FAM178B: variants seen among roughly 807,000 people sequenced by gnomAD.
FAM178B encodes family with sequence similarity 178 member B, also known as protein FAM178B.
In FAM178B, 82 loss-of-function variants were observed where a neutral mutation model predicts 91.7. That is an observed-to-expected ratio of 0.89 (90% CI 0.75 to 1.07). FAM178B has a LOEUF of 1.07. Ranked by LOEUF, FAM178B falls within the 50% of genes least tolerant of loss-of-function variation. The probability of loss-of-function intolerance (pLI) is 0.00; values close to 1 mark genes in which losing one functional copy is unlikely to be tolerated. For missense variants in FAM178B, 769 were observed against 846.7 expected (o/e 0.91, Z 1.14); for synonymous variants, 368 against 359.4 (o/e 1.02, Z -0.27).
chr2:96,891,728 G>C (rs1001926317), intron 14 of FAM178B, among the ~76,000 whole-genome samples: 5 of 152,214 alleles, frequency 3.3e-5, no homozygotes, highest in Non-Finnish European at 7.3e-5. Flanking sequence ...AGCCAGAGGA[G>C]GTGGGGAAGG....
intron 1 of FAM178B, among the ~76,000 whole-genome samples, chr2:96,982,983 A>C (rs1320673738): frequency 6.6e-6 from 1 of 151,460 alleles, no homozygotes; most frequent in Non-Finnish European, 1.5e-5. Flanking sequence ...AGCCGAAGCA[A>C]TCCGCCTGCC....
chr2:96,884,713 A>G (rs2080474055), intron 14 of FAM178B, among the ~76,000 whole-genome samples: 1 of 152,184 alleles, frequency 6.6e-6, no homozygotes, highest in African/African-American at 2.4e-5. Context: ...TCCCTGCCCC[A>G]TGAGCAAACC....
chr2:96,936,490 A>G (rs376063200), intron 8 of FAM178B, among the ~76,000 whole-genome samples: 1,413 of 138,964 alleles, frequency 0.01, 5 homozygotes, highest in African/African-American at 0.017. Flanking sequence ...GTGAGCCACC[A>G]CGCCCGGGTT....
intron 9 of FAM178B, among the ~76,000 whole-genome samples, chr2:96,927,553 T>C (rs1358952212): frequency 6.6e-6 from 1 of 152,176 alleles, no homozygotes; most frequent in East Asian, 1.9e-4. Flanking sequence ...AAGGCTTAAC[T>C]GCGCCTGGGA....
intron 14 of FAM178B, among the ~76,000 whole-genome samples, chr2:96,886,065 G>C (rs1261207653): frequency 6.6e-6 from 1 of 152,154 alleles, no homozygotes; most frequent in East Asian, 1.9e-4. Context: ...CCAGAGCCTG[G>C]GACTGCCCTC....
At chr2:96,971,381 C>T (rs1364764454) in intron 3 of FAM178B, among the ~76,000 whole-genome samples, 1 of 151,556 alleles carries the variant, frequency 6.6e-6, no homozygotes, top group Non-Finnish European at 1.5e-5. Flanking sequence ...CAGGCTGTTA[C>T]AAACAGCTGA....
chr2:96,935,823 A>G (rs937307139), intron 8 of FAM178B, among the ~76,000 whole-genome samples: 9 of 151,166 alleles, frequency 6.0e-5, no homozygotes, highest in Non-Finnish European at 1.3e-4. Flanking sequence ...TTTAGTAGAC[A>G]GGGGGTTTCA....
intron 1 of FAM178B, among the ~76,000 whole-genome samples, chr2:96,984,561 C>A (rs1326198221): frequency 6.6e-6 from 1 of 152,126 alleles, no homozygotes; most frequent in African/African-American, 2.4e-5. Context: ...GGCTCTTGGG[C>A]CAGGGCTGCC....
intron 14 of FAM178B, among the ~76,000 whole-genome samples, chr2:96,883,832 C>A (rs1286477750): frequency 6.6e-6 from 1 of 152,204 alleles, no homozygotes; most frequent in African/African-American, 2.4e-5. Flanking sequence ...TTGCTTTCTC[C>A]TTTCCATGCT....
intron 6 of FAM178B, among the ~76,000 whole-genome samples, chr2:96,952,969 C>A (rs1302355237): frequency 1.3e-5 from 2 of 152,136 alleles, no homozygotes; most frequent in Non-Finnish European, 2.9e-5. Context: ...AAAAGGACAT[C>A]ATTTTTTAAT....
intron 6 of FAM178B, among the ~76,000 whole-genome samples, chr2:96,958,067 CT>C (rs66515058): frequency 0.64 from 64,734 of 101,216 alleles, 20,449 homozygotes; most frequent in South Asian, 0.82. Flanking sequence ...TTTGAAGAAT[CT>C]TTTTTTTTTT....
chr2:96,890,459 C>A (rs1248866556), intron 14 of FAM178B, among the ~76,000 whole-genome samples: 1 of 152,020 alleles, frequency 6.6e-6, no homozygotes. Context: ...GTGAGACAGG[C>A]CCTGTTTAAA....
At chr2:96,878,574 ACT>A (rs1312328380) in intron 14 of FAM178B, 81 bp from the exon 15 acceptor site, 2 of 1,339,984 alleles carry the variant, frequency 1.5e-6, no homozygotes, top group African/African-American at 2.9e-5. Flanking sequence ...CACACTCCCC[ACT>A]CTCAGGCTTG....
intron 14 of FAM178B, among the ~76,000 whole-genome samples, chr2:96,883,129 C>G (rs1047985333): frequency 6.6e-6 from 1 of 152,188 alleles, no homozygotes; most frequent in African/African-American, 2.4e-5. Context: ...GGCTGAGTGA[C>G]AGCAGACAGC....
chr2:96,953,246 T>G (rs2081954338), intron 6 of FAM178B, among the ~76,000 whole-genome samples: 1 of 152,236 alleles, frequency 6.6e-6, no homozygotes, highest in Non-Finnish European at 1.5e-5. Context: ...TTTCAGGGAC[T>G]GACCCCAGCA....
In FAM178B at chr2:96,972,242, GC is replaced by G. The variant is rs2082231992; in HGVS notation, c.222del (p.Arg76AlafsTer68). 2.0e-6 allele frequency: 3 copies of G among 1,521,832 alleles called. No homozygotes were observed. Among genetic ancestry groups the G allele is most frequent in the Non-Finnish European group, 2.6e-6 (3 of 1,134,844 alleles). 94.3% of individuals were successfully genotyped at this position (1,521,832 alleles called of 1,614,324 possible). A position where few individuals can be genotyped will look rare whatever the true frequency, so the allele number is the denominator to read the frequency against. On this transcript the variant is annotated frameshift_variant, in exon 3 of 17. Transcript: ENST00000490605. LOFTEE classifies it high-confidence loss of function. ...CAGGGCCGCCGGGCAGGGCAGCGGG[GC>G]CCCTGGTCCAGGGGATGGTCTGACA... The part of the protein sequence containing the change: ...DGLSDHPLDQ[G>X]PRCPARRPCS...
chr2:96,960,703 G>A (rs535073561), intron 5 of FAM178B, among the ~76,000 whole-genome samples: 1 of 152,214 alleles, frequency 6.6e-6, no homozygotes, highest in Non-Finnish European at 1.5e-5. Context: ...CCACCCACTG[G>A]ATCTGTCAGG....
At chr2:96,974,381 CAAAAAA>C (rs1171601429) in intron 1 of FAM178B, among the ~76,000 whole-genome samples, 2 of 16,254 alleles carry the variant, frequency 1.2e-4, no homozygotes, top group Non-Finnish European at 2.4e-4. Context: ...GACTCCATCT[CAAAAAA>C]AAAAAAAAAA....
intron 9 of FAM178B, among the ~76,000 whole-genome samples, chr2:96,925,439 G>T (rs980811786): frequency 6.6e-6 from 1 of 152,154 alleles, no homozygotes; most frequent in Non-Finnish European, 1.5e-5. Context: ...TCTAATCCTC[G>T]CTTTTCAGAG....
Sources: gnomAD v4.1 joint callset for allele counts (sites outside exome capture counted in the v4.1 genomes callset) on GRCh38, gnomAD v4.1.1 for gene constraint, MANE v1.5 for transcripts, NCBI Gene and HGNC (gene_info 2026-07-23, HGNC 2026-07-21) for gene names.